Variants in EMILIN2 observed in about 807,000 individuals in gnomAD.
EMILIN2 encodes the protein elastin microfibril interfacer 2, also known as EMILIN-2.
EMILIN2 carries 71 observed loss-of-function variants against 87.1 expected under a neutral mutation model. That is an observed-to-expected ratio of 0.82 (90% CI 0.67 to 0.99). The LOEUF (loss-of-function observed/expected upper bound fraction) is 0.99. EMILIN2 is among the 50% of genes least tolerant of loss of function. The pLI is 0.00. For missense variants in EMILIN2, 1,407 were observed against 1,371.8 expected (o/e 1.03, Z -0.40); for synonymous variants, 581 against 563.4 (o/e 1.03, Z -0.44).
chr18:2,846,752 GCGGAGTCGCT>G, upstream of EMILIN2: 1 of 985,418 alleles, frequency 1.0e-6, no homozygotes, highest in East Asian at 1.1e-4. This position sits in a 1 kb window ranked among gnomAD's most constrained non-coding sequence, Gnocchi z 5.3. Context: ...AAGGTGGGAG[GCGGAGTCGCT>G]CGGCATCTGG....
intron 4 of EMILIN2, among the ~76,000 whole-genome samples, chr18:2,903,126 G>C (rs888607225): frequency 4.7e-5 from 7 of 147,814 alleles, no homozygotes; most frequent in Admixed American, 1.3e-4. Flanking sequence ...GGAAAGAGAG[G>C]TTGAGAAGAG....
chr18:2,915,596 C>G lies in EMILIN2; in HGVS notation c.*2192C>G, dbSNP rs909933980. ...GGAGTGCAGTAGCGCGATCTCAGCT[C>G]ACTGCAACCTCCGCCTCCCGGGTTC... On this transcript the variant is annotated 3_prime_UTR_variant, in exon 8 of 8. Coordinates refer to ENST00000254528, the MANE Select transcript of EMILIN2 (RefSeq NM_032048.3). The G allele has an allele frequency of 6.6e-6, 1 of 152,166 alleles. No individual in the cohort carries two copies. Among genetic ancestry groups the G allele is most frequent in the African/African-American group, 2.4e-5 (1 of 41,354 alleles). The allele number at this position is 152,166 out of a possible 1,614,324, so 9.4% of individuals were successfully genotyped here.
At chr18:2,867,009 G>A (rs2076689573) in intron 2 of EMILIN2, among the ~76,000 whole-genome samples, 1 of 152,132 alleles carries the variant, frequency 6.6e-6, no homozygotes, top group Non-Finnish European at 1.5e-5. Context: ...TTATTGACTT[G>A]CATATGTGAA....
At chr18:2,893,905 T>C (rs955853237) in intron 4 of EMILIN2, among the ~76,000 whole-genome samples, 4 of 152,220 alleles carry the variant, frequency 2.6e-5, no homozygotes, top group African/African-American at 7.2e-5. Context: ...GATGACTGTG[T>C]GTCTCCCAGA....
intron 2 of EMILIN2, among the ~76,000 whole-genome samples, chr18:2,864,862 C>T (rs1251034822): frequency 5.9e-5 from 9 of 152,140 alleles, no homozygotes; most frequent in South Asian, 2.1e-4. Flanking sequence ...ACCAATCAGA[C>T]GTAGATTTGG....
At chr18:2,881,092 C>T (rs1034415501) in intron 2 of EMILIN2, among the ~76,000 whole-genome samples, 17 of 152,108 alleles carry the variant, frequency 1.1e-4, no homozygotes, top group Non-Finnish European at 2.4e-4. Context: ...CTGGGAAAAT[C>T]CCAGTAGGGA....
At chr18:2,912,501 G>T (rs936456029) in intron 7 of EMILIN2, among the ~76,000 whole-genome samples, 2 of 152,206 alleles carry the variant, frequency 1.3e-5, no homozygotes, top group East Asian at 3.9e-4. Context: ...GCCACCTACA[G>T]CTGCTTCTGC....
intron 2 of EMILIN2, among the ~76,000 whole-genome samples, chr18:2,876,672 A>G (rs2076750228): frequency 6.6e-6 from 1 of 150,474 alleles, no homozygotes; most frequent in South Asian, 2.2e-4. Context: ...AGGCTGAGGC[A>G]GGAGAATGGC....
intron 3 of EMILIN2, among the ~76,000 whole-genome samples, chr18:2,889,011 T>C (rs2076817473): frequency 6.6e-6 from 1 of 152,146 alleles, no homozygotes; most frequent in African/African-American, 2.4e-5. Context: ...TTGCAACCTA[T>C]GTTGTGTTTG....
chr18:2,891,287 T>C lies in EMILIN2; in HGVS notation c.1160T>C (p.Leu387Pro). Residue 387 changes from leucine (L) to proline (P), a missense_variant, in exon 4 of 8, where the codon CTA becomes CCA. Physicochemically the swap from Leu to Pro is moderately conservative, Grantham distance 98. Transcript: ENST00000254528. The surrounding 1 kb of genome is among the most constrained non-coding windows in gnomAD (Gnocchi z 4.6). ...GAAATAAATAACCTCCGAGCCCGGC[T>C]ACAGGAGCCTTCAGCCCAGGCAAAT... is the stretch of plus-strand genomic sequence containing the variant. Reference protein sequence around the residue: ...RKEINNLRARLQEPSAQANCC... With the variant: ...RKEINNLRARPQEPSAQANCC... 1 of 1,614,172 alleles carries C rather than the reference T, an allele frequency of 6.2e-7. No homozygotes were observed. Among genetic ancestry groups the C allele is most frequent in the Non-Finnish European group, 8.5e-7 (1 of 1,180,028 alleles).
At chr18:2,903,686 T>C (rs1598504632) in intron 4 of EMILIN2, among the ~76,000 whole-genome samples, 1 of 152,250 alleles carries the variant, frequency 6.6e-6, no homozygotes, top group Non-Finnish European at 1.5e-5. Context: ...TTATATCCTA[T>C]GTATCTATTT....
At chr18:2,868,299 C>T (rs887246017) in intron 2 of EMILIN2, among the ~76,000 whole-genome samples, 12 of 151,894 alleles carry the variant, frequency 7.9e-5, no homozygotes, top group Non-Finnish European at 1.6e-4. Flanking sequence ...GGAAGAGGCG[C>T]TCCTCACTTT....
intron 4 of EMILIN2, among the ~76,000 whole-genome samples, chr18:2,900,249 G>A (rs2076882644): frequency 1.3e-5 from 2 of 152,090 alleles, no homozygotes; most frequent in Non-Finnish European, 2.9e-5. Context: ...GTACAGTGGT[G>A]TGATTATATC....
chr18:2,912,248 C>T (rs2076944851), intron 7 of EMILIN2, among the ~76,000 whole-genome samples: 3 of 152,018 alleles, frequency 2.0e-5, no homozygotes, highest in South Asian at 4.2e-4. Context: ...TCCGTGTTGG[C>T]CAGGCTGGTC....
intron 4 of EMILIN2, among the ~76,000 whole-genome samples, chr18:2,901,078 A>G (rs910831393): frequency 5.9e-5 from 9 of 152,230 alleles, no homozygotes; most frequent in African/African-American, 1.9e-4. Context: ...TCTGATTGGC[A>G]TCAATTTCTG....
At chr18:2,882,533 C>A (rs1011729928) in intron 2 of EMILIN2, among the ~76,000 whole-genome samples, 5 of 152,106 alleles carry the variant, frequency 3.3e-5, no homozygotes, top group Admixed American at 3.3e-4. Context: ...TCACTTGAGG[C>A]CATGGGCTCG....
intron 2 of EMILIN2, among the ~76,000 whole-genome samples, chr18:2,874,192 A>G (rs2076736297): frequency 6.6e-6 from 1 of 152,112 alleles, no homozygotes; most frequent in Non-Finnish European, 1.5e-5. Flanking sequence ...ATGTTGTATA[A>G]TAGTATGTAT....
rs1342139855 is a variant in EMILIN2, at chr18:2,847,868, A to T, written c.194A>T (p.Glu65Val). 3.1e-6 allele frequency: 5 copies of T among 1,613,410 alleles called. No homozygotes were observed. The highest frequency in any genetic ancestry group is 4.2e-6 in the Non-Finnish European group (5 of 1,179,768). ...NVSCSVLEGS[E>V]SFIQAQYNCA... ...AGCTGCTCCGTGCTGGAGGGAAGTG[A>T]GAGTTTTATTCAGGCTCAGTACAAC... is the stretch of plus-strand genomic sequence containing the variant. The change falls in exon 2 of 8, where the codon GAG (glutamate) becomes GTG (valine). Residue 65 changes from glutamate (E) to valine (V), a missense_variant. Coordinates refer to ENST00000254528, the MANE Select transcript of EMILIN2 (RefSeq NM_032048.3). This position sits in a 1 kb window ranked among gnomAD's most constrained non-coding sequence, Gnocchi z 4.5.
At chr18:2,878,944 T>C (rs1051741698) in intron 2 of EMILIN2, among the ~76,000 whole-genome samples, 3 of 152,128 alleles carry the variant, frequency 2.0e-5, no homozygotes, top group Non-Finnish European at 4.4e-5. Flanking sequence ...CGGGTTTTGG[T>C]TCTGTGCAGT....
Sources: allele counts gnomAD v4.1 joint callset (sites outside exome capture counted in the v4.1 genomes callset), GRCh38; gene constraint gnomAD v4.1.1; non-coding constraint Gnocchi (gnomAD v3.1); transcripts MANE v1.5; gene names NCBI Gene and HGNC (gene_info 2026-07-23, HGNC 2026-07-21).